Variants in XXYLT1 observed in about 807,000 individuals in gnomAD.
XXYLT1 encodes UDP-xylose:alpha-xyloside alpha-1,3-xylosyltransferase.
A neutral mutation model predicts 28.9 loss-of-function variants in XXYLT1; 20 were observed. The ratio of observed to expected loss-of-function variants is 0.69; its 90% CI spans 0.49 to 1.00. XXYLT1 has a LOEUF of 1.00. XXYLT1 is among the 50% of genes least tolerant of loss of function. The pLI is 0.00. For synonymous variants in XXYLT1, 257 were observed against 253.8 expected (o/e 1.01, Z -0.12); for missense variants, 542 against 560.1 (o/e 0.97, Z 0.33).
At chr3:195,214,217 A>C (rs1453951244) in intron 2 of XXYLT1, among the ~76,000 whole-genome samples, 2 of 152,190 alleles carry the variant, frequency 1.3e-5, no homozygotes, top group African/African-American at 4.8e-5. Context: ...CTCAGGGCTA[A>C]GAAGAAAATT....
Position 195,258,476 on chromosome 3 carries a change from T to C in XXYLT1, c.504+12079A>G, listed in dbSNP as rs147531598. On this transcript the variant is annotated intron_variant, in intron 1 of 3. Transcript: ENST00000310380. ...AATTTGACCAGAAATTGTATAATTGTGCACCATTTACTATAAACAAATTTG... is the reference window on the plus strand; with the variant it reads ...AATTTGACCAGAAATTGTATAATTGCGCACCATTTACTATAAACAAATTTG... Among the ~76,000 whole-genome samples, 6 of 152,310 alleles carry C rather than the reference T, an allele frequency of 3.9e-5. No homozygotes were observed. The East Asian group carries it at 1.2e-3, about 29-fold the overall frequency.
At chr3:195,245,673 G>A (rs1474360608) in intron 1 of XXYLT1, among the ~76,000 whole-genome samples, 1 of 152,206 alleles carries the variant, frequency 6.6e-6, no homozygotes, top group Non-Finnish European at 1.5e-5. Context: ...CGCAACGCCG[G>A]ACTGGGGCCT....
rs1323210713 is a variant in XXYLT1 at position 195,257,555 on chromosome 3, G to C, written c.504+13000C>G. Among the ~76,000 whole-genome samples the C allele has an allele frequency of 1.3e-5, 2 of 152,174 alleles. No homozygotes were observed. The highest frequency in any genetic ancestry group is 2.9e-5 in the Non-Finnish European group (2 of 68,032). On this transcript the variant is annotated intron_variant, in intron 1 of 3. Transcript: ENST00000310380. This position sits in a 1 kb window ranked among gnomAD's most constrained non-coding sequence, Gnocchi z 4.3. ...AAAGTCCCAGAGATGGGAAGTGGCC[G>C]GGGTACACCACAACCCCAGGCAGTC...
At chr3:195,199,958 C>T (rs1722781638) in intron 2 of XXYLT1, among the ~76,000 whole-genome samples, 1 of 152,224 alleles carries the variant, frequency 6.6e-6, no homozygotes, top group Non-Finnish European at 1.5e-5. Flanking sequence ...TTGGGACCTG[C>T]TGGTTAGTCA....
intron 3 of XXYLT1, among the ~76,000 whole-genome samples, chr3:195,101,856 A>G (rs976050281): frequency 3.0e-5 from 4 of 135,528 alleles, no homozygotes; most frequent in African/African-American, 8.4e-5. Flanking sequence ...GGGAAGAAAG[A>G]AAAAGAAAGT....
chr3:195,163,194 T>C (rs9857761), intron 2 of XXYLT1, among the ~76,000 whole-genome samples: 2,246 of 152,314 alleles, frequency 0.015, 23 homozygotes, highest in Non-Finnish European at 0.022. Flanking sequence ...AAAATAATGA[T>C]ACAGATACCA....
chr3:195,235,792 C>T (rs1301124705), intron 1 of XXYLT1, among the ~76,000 whole-genome samples: 1 of 152,162 alleles, frequency 6.6e-6, no homozygotes, highest in Non-Finnish European at 1.5e-5. Flanking sequence ...AGATGCACCA[C>T]CTTGATGGTC....
At chr3:195,221,720 T>C (rs12491902) in intron 2 of XXYLT1, among the ~76,000 whole-genome samples, 4,615 of 150,900 alleles carry the variant, frequency 0.031, 140 homozygotes, top group East Asian at 0.1. Flanking sequence ...CTTGGCTCCC[T>C]CCAGCTCCAG....
intron 3 of XXYLT1, among the ~76,000 whole-genome samples, chr3:195,144,976 T>C (rs1185562890): frequency 2.0e-5 from 3 of 151,688 alleles, no homozygotes; most frequent in Non-Finnish European, 4.4e-5. Context: ...CTTATGTCTC[T>C]ACCTTGCTTA....
At chr3:195,178,351 CCT>C (rs1721778346) in intron 2 of XXYLT1, among the ~76,000 whole-genome samples, 1 of 152,132 alleles carries the variant, frequency 6.6e-6, no homozygotes, top group Non-Finnish European at 1.5e-5. Flanking sequence ...CTTTCTCTTC[CCT>C]GTCTTTCATT....
intron 3 of XXYLT1, among the ~76,000 whole-genome samples, chr3:195,097,037 C>T (rs1716487814): frequency 6.6e-6 from 1 of 152,256 alleles, no homozygotes; most frequent in African/African-American, 2.4e-5. Context: ...CCAGCAGACC[C>T]CTCAGACGGG....
Position 195,133,214 on chromosome 3 carries a change from G to C in XXYLT1, c.785+23235C>G, listed in dbSNP as rs1461523463. On this transcript the variant is annotated intron_variant, in intron 3 of 3. Coordinates refer to ENST00000310380, the MANE Select transcript of XXYLT1 (RefSeq NM_152531.5). This position sits in a 1 kb window ranked among gnomAD's most constrained non-coding sequence, Gnocchi z 4.4. ...GGCTGAAGCCCCAGGTGCCCCGCCTGCTGAGCAGACAGATGGCTGCAAGTC... is the reference window on the plus strand; with the variant it reads ...GGCTGAAGCCCCAGGTGCCCCGCCTCCTGAGCAGACAGATGGCTGCAAGTC... Among the ~76,000 whole-genome samples, 1 of 152,214 alleles carries C rather than the reference G, an allele frequency of 6.6e-6. No individual in the cohort carries two copies. Among genetic ancestry groups the C allele is most frequent in the Non-Finnish European group, 1.5e-5 (1 of 68,042 alleles).
intron 2 of XXYLT1, among the ~76,000 whole-genome samples, chr3:195,167,209 A>G (rs1721170659): frequency 6.6e-6 from 1 of 152,236 alleles, no homozygotes; most frequent in Non-Finnish European, 1.5e-5. Context: ...GTGGGGCAAT[A>G]CTTTAAGACT....
intron 2 of XXYLT1, among the ~76,000 whole-genome samples, chr3:195,183,284 G>A (rs1722036433): frequency 6.6e-6 from 1 of 152,100 alleles, no homozygotes; most frequent in Non-Finnish European, 1.5e-5. Context: ...TTTCCCCCAC[G>A]CTGTTCTAGT....
intron 3 of XXYLT1, among the ~76,000 whole-genome samples, chr3:195,090,380 A>G (rs1003172634): frequency 2.6e-5 from 4 of 151,366 alleles, no homozygotes; most frequent in African/African-American, 7.4e-5. Flanking sequence ...ATCTCACTCA[A>G]AACCACTCAA....
chr3:195,263,383 G>A (rs992137284), intron 1 of XXYLT1, among the ~76,000 whole-genome samples: 1 of 152,212 alleles, frequency 6.6e-6, no homozygotes, highest in Non-Finnish European at 1.5e-5. Context: ...ACGTTGCTGG[G>A]AGGTGGGGCT....
chr3:195,248,073 G>C (rs1725106966), intron 1 of XXYLT1, among the ~76,000 whole-genome samples: 3 of 152,184 alleles, frequency 2.0e-5, no homozygotes, highest in African/African-American at 7.2e-5. Context: ...TGCTCTCCTG[G>C]GTTTCACAAA....
intron 2 of XXYLT1, among the ~76,000 whole-genome samples, chr3:195,170,745 C>T (rs1448320860): frequency 6.6e-6 from 1 of 152,074 alleles, no homozygotes; most frequent in Non-Finnish European, 1.5e-5. Flanking sequence ...GAGCTCCAGG[C>T]CTAAAGGAAC....
intron 3 of XXYLT1, among the ~76,000 whole-genome samples, chr3:195,114,629 C>G (rs1203271984): frequency 6.6e-6 from 1 of 152,184 alleles, no homozygotes; most frequent in Non-Finnish European, 1.5e-5. Context: ...TCTCTTTACA[C>G]GTTTAATTAC....
Sources: gnomAD v4.1 joint callset for allele counts (sites outside exome capture counted in the v4.1 genomes callset) on GRCh38, gnomAD v4.1.1 for gene constraint, Gnocchi (gnomAD v3.1) non-coding constraint, MANE v1.5 for transcripts, NCBI Gene and HGNC (gene_info 2026-07-23, HGNC 2026-07-21) for gene names.